Variants in CNTNAP4 observed in about 807,000 individuals in gnomAD.
The protein encoded by CNTNAP4 is contactin-associated protein-like 4.
CNTNAP4 carries 98 observed loss-of-function variants against 148.4 expected under a neutral mutation model. That is an observed-to-expected ratio of 0.66 (90% CI 0.56 to 0.78). The LOEUF (loss-of-function observed/expected upper bound fraction) is 0.78, where lower values mean the gene tolerates loss of function less well. Ranked by LOEUF, CNTNAP4 falls within the 30% of genes least tolerant of loss-of-function variation. CNTNAP4 has a pLI of 0.00. For missense variants in CNTNAP4, 1,935 were observed against 1,565.6 expected (o/e 1.24, Z -3.98); for synonymous variants, 730 against 565.1 (o/e 1.29, Z -4.14).
chr16:76,553,357 C>T lies in CNTNAP4; in HGVS notation c.3517C>T (p.Leu1173Phe). 6.2e-7 allele frequency: 1 copy of T among 1,612,838 alleles called. No homozygotes were observed. Among genetic ancestry groups the T allele is most frequent in the Non-Finnish European group, 8.5e-7 (1 of 1,179,392 alleles). Reference protein sequence around the residue: ...GFTGCLSAVQLSHVAPLKAAL... With the variant: ...GFTGCLSAVQFSHVAPLKAAL... ...CACAGGCTGCCTCTCTGCAGTGCAG[C>T]TCAGCCACGTGGCCCCTCTGAAGGC... Residue 1173 changes from leucine to phenylalanine, a missense_variant, in exon 22 of 24, where the codon CTC becomes TTC. Transcript: ENST00000611870.
chr16:76,327,535 A>G (rs1239532231), intron 2 of CNTNAP4, among the ~76,000 whole-genome samples: 1 of 152,178 alleles, frequency 6.6e-6, no homozygotes, highest in South Asian at 2.1e-4. Flanking sequence ...TGACACTTAC[A>G]TCCTCTAAAC....
At chr16:76,451,520 A>C (rs1376971603) in intron 7 of CNTNAP4, among the ~76,000 whole-genome samples, 1 of 152,144 alleles carries the variant, frequency 6.6e-6, no homozygotes, top group Non-Finnish European at 1.5e-5. Context: ...ATATGACCAC[A>C]ACAGCCAGCA....
chr16:76,475,869 A>G, intron 10 of CNTNAP4, 70 bp from the exon 11 acceptor site: 1 of 1,022,508 alleles, frequency 9.8e-7, no homozygotes, highest in Non-Finnish European at 1.5e-6. Context: ...CTCATGACCA[A>G]GTATAAATGG....
intron 3 of CNTNAP4, among the ~76,000 whole-genome samples, chr16:76,387,429 G>C (rs1005887940): frequency 6.6e-6 from 1 of 152,146 alleles, no homozygotes; most frequent in African/African-American, 2.4e-5. Context: ...GCAACCAATA[G>C]TCTCTCTTGC....
Position 76,467,444 on chromosome 16 carries a change from G to T in CNTNAP4, c.1576G>T (p.Val526Leu), listed in dbSNP as rs778791332. 1 of 1,613,682 alleles carries T rather than the reference G, an allele frequency of 6.2e-7. No homozygotes were observed. The highest frequency in any genetic ancestry group is 8.5e-7 in the Non-Finnish European group (1 of 1,179,802). ...GCTCATTTCTATCAGCGGCAAAGTGGTAGATCTGATTTCAGTTCAGCAGGG... is the reference window on the plus strand; with the variant it reads ...GCTCATTTCTATCAGCGGCAAAGTGTTAGATCTGATTTCAGTTCAGCAGGG... ...MRLISISGKVVDLISVQQGSL... is the reference protein window; with the variant it reads ...MRLISISGKVLDLISVQQGSL... Residue 526 changes from valine to leucine, a missense_variant, in exon 10 of 24, where the codon GTA becomes TTA. Coordinates refer to ENST00000611870, the MANE Select transcript of CNTNAP4 (RefSeq NM_033401.5).
intron 2 of CNTNAP4, among the ~76,000 whole-genome samples, chr16:76,329,594 A>C (rs1265206591): frequency 2.0e-5 from 3 of 152,168 alleles, no homozygotes; most frequent in South Asian, 4.1e-4. Context: ...TTTATCAAAG[A>C]TTTTCTTCCT....
chr16:76,408,428 T>G (rs996240838), intron 3 of CNTNAP4, among the ~76,000 whole-genome samples: 1 of 151,934 alleles, frequency 6.6e-6, no homozygotes, highest in Non-Finnish European at 1.5e-5. Context: ...ACCACCCACA[T>G]TCACTAGATA....
intron 3 of CNTNAP4, among the ~76,000 whole-genome samples, chr16:76,396,491 T>C (rs1280988652): frequency 6.6e-6 from 1 of 152,236 alleles, no homozygotes; most frequent in African/African-American, 2.4e-5. Context: ...AAGAGGTGGA[T>C]GTCCAGTCAC....
At chr16:76,380,653 A>T (rs951360595) in intron 3 of CNTNAP4, among the ~76,000 whole-genome samples, 2 of 152,070 alleles carry the variant, frequency 1.3e-5, no homozygotes, top group African/African-American at 4.8e-5. Flanking sequence ...ACATTCACCA[A>T]TTTTTTTATT....
intron 13 of CNTNAP4, among the ~76,000 whole-genome samples, chr16:76,490,327 T>C (rs896204183): frequency 2.0e-5 from 3 of 152,194 alleles, no homozygotes; most frequent in Non-Finnish European, 4.4e-5. Context: ...CTGGGTATAA[T>C]GGAAAATTAG....
At chr16:76,348,764 T>A (rs1312344067) in intron 2 of CNTNAP4, among the ~76,000 whole-genome samples, 1 of 151,654 alleles carries the variant, frequency 6.6e-6, no homozygotes, top group African/African-American at 2.4e-5. Context: ...AGTGAAAATC[T>A]GATTGGAGTC....
At chr16:76,289,833 A>C (rs1183414455) in intron 1 of CNTNAP4, among the ~76,000 whole-genome samples, 1 of 152,076 alleles carries the variant, frequency 6.6e-6, no homozygotes, top group Non-Finnish European at 1.5e-5. Context: ...AGCCTCCCAA[A>C]GTGCTGGGAT....
At chr16:76,490,811 G>T (rs547008013) in intron 13 of CNTNAP4, among the ~76,000 whole-genome samples, 1 of 152,166 alleles carries the variant, frequency 6.6e-6, no homozygotes, top group South Asian at 2.1e-4. Flanking sequence ...CCTCAAACAC[G>T]TATTTTCTAG....
At chr16:76,454,795 C>A (rs551652628) in intron 8 of CNTNAP4, among the ~76,000 whole-genome samples, 1 of 152,208 alleles carries the variant, frequency 6.6e-6, no homozygotes, top group East Asian at 1.9e-4. Context: ...TCAAGAGAAC[C>A]ATGTCTTTAT....
At chr16:76,450,314 A>G (rs183250576) in intron 7 of CNTNAP4, among the ~76,000 whole-genome samples, 1 of 152,086 alleles carries the variant, frequency 6.6e-6, no homozygotes, top group East Asian at 1.9e-4. Context: ...ACACCTGGCT[A>G]ATTTTTTGTA....
intron 2 of CNTNAP4, among the ~76,000 whole-genome samples, chr16:76,327,457 A>T (rs1003418481): frequency 6.6e-6 from 1 of 152,068 alleles, no homozygotes; most frequent in East Asian, 1.9e-4. Context: ...TCCATCATTG[A>T]TGGGTACCTG....
intron 3 of CNTNAP4, among the ~76,000 whole-genome samples, chr16:76,409,490 A>G (rs910090313): frequency 4.8e-4 from 73 of 152,152 alleles, no homozygotes; most frequent in Non-Finnish European, 9.6e-4. Flanking sequence ...AATAGAAACA[A>G]TATGGATATT....
chr16:76,418,969 C>G (rs187528712), intron 3 of CNTNAP4, among the ~76,000 whole-genome samples: 2 of 151,874 alleles, frequency 1.3e-5, no homozygotes, highest in African/African-American at 4.8e-5. Flanking sequence ...TCTTCAGAGG[C>G]GGTCTTTGTT....
At chr16:76,555,153 A>AT (rs947227807) in intron 23 of CNTNAP4, among the ~76,000 whole-genome samples, 3 of 152,010 alleles carry the variant, frequency 2.0e-5, no homozygotes, top group African/African-American at 4.8e-5. Flanking sequence ...ATTTGGATGT[A>AT]TTTTTTCTAT....
Sources: allele counts gnomAD v4.1 joint callset (sites outside exome capture counted in the v4.1 genomes callset), GRCh38; gene constraint gnomAD v4.1.1; transcripts MANE v1.5; gene names NCBI Gene and HGNC (gene_info 2026-07-23, HGNC 2026-07-21).